Variants in NPR1 observed in about 807,000 individuals in gnomAD.
NPR1 encodes the protein atrial natriuretic peptide receptor 1.
Under a neutral mutation model 116.9 loss-of-function variants are expected in NPR1, and 57 were observed. The observed-to-expected ratio is 0.49, with a 90% confidence interval of 0.39 to 0.61. The LOEUF (loss-of-function observed/expected upper bound fraction) is 0.61, where lower values mean the gene tolerates loss of function less well. Among genes scored for constraint, NPR1 ranks in the 20% least tolerant of loss-of-function variants. The probability of loss-of-function intolerance (pLI) is 0.00; values close to 1 mark genes in which losing one functional copy is unlikely to be tolerated. For synonymous variants in NPR1, 555 were observed against 601.6 expected, an observed-to-expected ratio of 0.92 and a Z score of 1.13; for missense variants, 1,096 against 1,409.8, an observed-to-expected ratio of 0.78 and a Z score of 3.56.
intron 15 of NPR1, chr1:153,688,737 G>A (rs1470924123): frequency 3.2e-5 from 19 of 597,096 alleles, no homozygotes; most frequent in Non-Finnish European, 4.7e-5. Flanking sequence ...ATGTCCATAT[G>A]TCTGAAGCTT....
rs963246282 is a variant in NPR1 at position 153,678,975 on chromosome 1, G to A, written c.-134G>A. The A allele has an allele frequency of 1.7e-6, 2 of 1,180,114 alleles. No homozygotes were observed. Among genetic ancestry groups the A allele is most frequent in the Admixed American group, 4.0e-5 (1 of 24,704 alleles). The allele number at this position is 1,180,114 out of a possible 1,614,324, so 73.1% of individuals were successfully genotyped here. ...GCAGCTACAGGGGGCCTCGAGCCCC[G>A]GGGTGAGCGTCCCCGTCCCGCTCCT... On this transcript the variant is annotated 5_prime_UTR_variant, in exon 1 of 22. Transcript: ENST00000368680. This position sits in a 1 kb window ranked among gnomAD's most constrained non-coding sequence, Gnocchi z 5.8.
At chr1:153,688,573 C>T (rs767099966) in intron 15 of NPR1, among the ~76,000 whole-genome samples, 2 of 152,176 alleles carry the variant, frequency 1.3e-5, no homozygotes, top group Non-Finnish European at 2.9e-5. Context: ...AGCTCCTGCC[C>T]CACCCCTTGA....
intron 19 of NPR1, 100 bp downstream of exon 19, chr1:153,690,080 C>A: frequency 1.8e-6 from 1 of 565,906 alleles, no homozygotes; most frequent in Non-Finnish European, 2.8e-6. Context: ...CTCTCTCTCT[C>A]TCTCTCTCTC....
rs72446315 is a variant in NPR1, at chr1:153,678,793, TTCTC to T, written c.-296_-293del. 0.04 allele frequency: 13,302 copies of T among 330,568 alleles called. 1 individual carries two copies. Among genetic ancestry groups the T allele is most frequent in the East Asian group, 0.083 (1,572 of 18,870 alleles). The allele number at this position is 330,568 out of a possible 1,614,324, so 20.5% of individuals were successfully genotyped here. ...TTCACGAAGCGCTCACTCGCACCCT[TTCTC>T]TCTCTCTCTCTCTCTCTCTAACACG... is the stretch of plus-strand genomic sequence containing the variant. On this transcript the variant is annotated 5_prime_UTR_variant, in exon 1 of 22. Coordinates refer to ENST00000368680, the MANE Select transcript of NPR1 (RefSeq NM_000906.4). This position sits in a 1 kb window ranked among gnomAD's most constrained non-coding sequence, Gnocchi z 5.8.
Position 153,685,066 on chromosome 1 carries a change from C to G in NPR1, c.1587C>G (p.Ser529Arg), listed in dbSNP as rs1289726818. Residue 529 changes from serine to arginine, a missense_variant, in exon 8 of 22, where the codon AGC becomes AGG. Transcript: ENST00000368680. The stretch of plus-strand genomic sequence containing the variant: ...AGAGGCACCTGCGGAGTGCAGGCAG[C>G]CGGCTGACCCTGAGCGGGGTAAGAA... ...SLERHLRSAGSRLTLSGRGSN... is the reference protein window; with the variant it reads ...SLERHLRSAGRRLTLSGRGSN... 1.9e-6 allele frequency: 3 copies of G among 1,613,870 alleles called. No homozygotes were observed. Among genetic ancestry groups the G allele is most frequent in the South Asian group, 1.1e-5 (1 of 91,054 alleles).
At position 153,679,934 on chromosome 1, in the gene NPR1, C is replaced by G; in HGVS notation, c.721+105C>G. On this transcript the variant is annotated intron_variant, in intron 1 of 21. Coordinates refer to ENST00000368680, the MANE Select transcript of NPR1 (RefSeq NM_000906.4). This position sits in a 1 kb window ranked among gnomAD's most constrained non-coding sequence, Gnocchi z 4.2. Reference sequence around the variant, plus strand: ...CTCTCATCTGGGGGCACTCTTCTTTCTCCTCGCCGTTCTTCATTCTACTTT... The same window carrying G: ...CTCTCATCTGGGGGCACTCTTCTTTGTCCTCGCCGTTCTTCATTCTACTTT... The G allele has an allele frequency of 7.1e-7, 1 of 1,409,982 alleles. No individual in the cohort carries two copies. Among genetic ancestry groups the G allele is most frequent in the Non-Finnish European group, 9.4e-7 (1 of 1,060,454 alleles). The allele number at this position is 1,409,982 out of a possible 1,614,324, so 87.3% of individuals were successfully genotyped here.
intron 7 of NPR1, among the ~76,000 whole-genome samples, chr1:153,684,386 C>CTTTTTTTTTTTTT (rs58272090): frequency 1.1e-4 from 10 of 88,980 alleles, no homozygotes; most frequent in East Asian, 3.9e-4. Context: ...TTCTTTCTTT[C>CTTTTTTTTTTTTT]TTTTTTTTTT....
At position 153,686,640 on chromosome 1, in the gene NPR1, T is replaced by G; in HGVS notation, c.1759-6T>G. The G allele has an allele frequency of 6.2e-7, 1 of 1,612,410 alleles. No individual in the cohort carries two copies. The highest frequency in any genetic ancestry group is 8.5e-7 in the Non-Finnish European group (1 of 1,178,984). On this transcript the variant is annotated splice_region_variant and splice_polypyrimidine_tract_variant and intron_variant, in intron 10 of 21. Coordinates refer to ENST00000368680, the MANE Select transcript of NPR1 (RefSeq NM_000906.4). ...GTCAAGCTCCTGATGCTGGTCCCACTTGCAGATGCGGGATGTGCAGAATGA... is the reference window on the plus strand; with the variant it reads ...GTCAAGCTCCTGATGCTGGTCCCACGTGCAGATGCGGGATGTGCAGAATGA...
chr1:153,688,599 G>A (rs565216553), intron 15 of NPR1: 11 of 406,874 alleles, frequency 2.7e-5, no homozygotes, highest in Middle Eastern at 6.7e-4. Context: ...CTTCCCCAGC[G>A]TGCCCACCAG....
chr1:153,683,988 AAG>A (rs1180585480), intron 7 of NPR1, among the ~76,000 whole-genome samples, 164 bp downstream of exon 7: 2 of 152,164 alleles, frequency 1.3e-5, no homozygotes, highest in Non-Finnish European at 2.9e-5. Flanking sequence ...AGGAGAAAGA[AAG>A]AGAAGGGAAT....
chr1:153,679,781 C>A lies in NPR1; in HGVS notation c.673C>A (p.Leu225Ile). ...CCACCTGGAGTTCGCCGAGGACGAC[C>A]TCAGCCACTACACCAGGCTGCTGCG... The part of the protein sequence containing the change: ...VDHLEFAEDD[L>I]SHYTRLLRTM... Residue 225 changes from leucine to isoleucine, a missense_variant, in exon 1 of 22, where the codon CTC (leucine) becomes ATC (isoleucine). Physicochemically the swap from Leu to Ile is conservative, Grantham distance 5. Coordinates refer to ENST00000368680, the MANE Select transcript of NPR1 (RefSeq NM_000906.4). This position sits in a 1 kb window ranked among gnomAD's most constrained non-coding sequence, Gnocchi z 4.2. 1.3e-6 allele frequency: 2 copies of A among 1,559,356 alleles called. No individual in the cohort carries two copies. Among genetic ancestry groups the A allele is most frequent in the East Asian group, 4.7e-5 (2 of 42,176 alleles).
chr1:153,684,197 G>A (rs1669863300), intron 7 of NPR1, among the ~76,000 whole-genome samples: 1 of 152,080 alleles, frequency 6.6e-6, no homozygotes, highest in Non-Finnish European at 1.5e-5. Flanking sequence ...GCCCTGGTGT[G>A]TGCCAGGTGC....
chr1:153,688,040 C>T lies in NPR1; in HGVS notation c.2249-13C>T. The T allele has an allele frequency of 6.7e-7, 1 of 1,486,286 alleles. No homozygotes were observed. The highest frequency in any genetic ancestry group is 9.0e-7 in the Non-Finnish European group (1 of 1,112,798). The allele number at this position is 1,486,286 out of a possible 1,614,324, so 92.1% of individuals were successfully genotyped here. ...CAGCCCCACCCCTCAGCTCCTCTAC[C>T]CCCCCAATACAGAGATCATCGAGCG... On this transcript the variant is annotated splice_polypyrimidine_tract_variant and intron_variant, in intron 14 of 21. Coordinates refer to ENST00000368680, the MANE Select transcript of NPR1 (RefSeq NM_000906.4).
rs1186769701 is a variant in NPR1, at chr1:153,680,987, G to A, written c.922-193G>A. The A allele has an allele frequency of 1.5e-5, 9 of 600,788 alleles. No individual in the cohort carries two copies. In the East Asian group the frequency reaches 1.9e-4, roughly 13 times the overall value. The allele number at this position is 600,788 out of a possible 1,614,324, so 37.2% of individuals were successfully genotyped here. On this transcript the variant is annotated intron_variant, in intron 2 of 21. Coordinates refer to ENST00000368680, the MANE Select transcript of NPR1 (RefSeq NM_000906.4). The stretch of plus-strand genomic sequence containing the variant: ...GGATAAAGTCCCACAGCCTGGACAG[G>A]ACTTGGAGAAGGCATCCCATTGGAT...
chr1:153,680,429 G>GC, intron 1 of NPR1, 72 bp from the exon 2 acceptor site: 1 of 1,422,308 alleles, frequency 7.0e-7, no homozygotes. Flanking sequence ...TCCCTTGGGT[G>GC]CCCCAGCTTT....
In NPR1 at chr1:153,689,863, C is replaced by T. The variant is rs1477750000; in HGVS notation, c.2815C>T (p.Arg939Trp). 8.2e-6 allele frequency: 13 copies of T among 1,592,784 alleles called. No homozygotes were observed. Among genetic ancestry groups the T allele is most frequent in the Admixed American group, 5.2e-5 (3 of 58,092 alleles). ...GTCAGGGCTCCCTGTGCGGAACGGG[C>T]GGCTACACGCCTGCGAGGTAGCCCG... ...VVSGLPVRNGRLHACEVARMA... is the reference protein window; with the variant it reads ...VVSGLPVRNGWLHACEVARMA... The change falls in exon 19 of 22, where the codon CGG becomes TGG. Residue 939 changes from arginine to tryptophan, a missense_variant. Arg to Trp is a moderately radical substitution (Grantham distance 101, BLOSUM62 -3). Coordinates refer to ENST00000368680, the MANE Select transcript of NPR1 (RefSeq NM_000906.4). The surrounding 1 kb of genome is among the most constrained non-coding windows in gnomAD (Gnocchi z 5.1).
Position 153,693,934 on chromosome 1 carries a change from G to A in NPR1, c.*520G>A, listed in dbSNP as rs1354709562. 4 of 397,272 alleles carry A rather than the reference G, an allele frequency of 1.0e-5. No homozygotes were observed. Among genetic ancestry groups the A allele is most frequent in the African/African-American group, 2.1e-5 (1 of 48,602 alleles). The allele number at this position is 397,272 out of a possible 1,614,324, so 24.6% of individuals were successfully genotyped here. A position where few individuals can be genotyped will look rare whatever the true frequency, so the allele number is the denominator to read the frequency against. Reference sequence around the variant, plus strand: ...AAGAGGGGTGGCGCAGAAGGGTTGGGGGCCTGTATGCCTTGCTTCTACCAT... The same window carrying A: ...AAGAGGGGTGGCGCAGAAGGGTTGGAGGCCTGTATGCCTTGCTTCTACCAT... On this transcript the variant is annotated 3_prime_UTR_variant, in exon 22 of 22. Coordinates refer to ENST00000368680, the MANE Select transcript of NPR1 (RefSeq NM_000906.4).
chr1:153,688,873 G>T, intron 15 of NPR1, 80 bp from the exon 16 acceptor site: 1 of 1,567,250 alleles, frequency 6.4e-7, no homozygotes, highest in South Asian at 1.1e-5. Context: ...GTCTGGAGGG[G>T]GAAGTGCCTA....
At position 153,679,388 on chromosome 1, in the gene NPR1, G is replaced by T. The variant is rs760643084; in HGVS notation, c.280G>T (p.Asp94Tyr). The change falls in exon 1 of 22, where the codon GAC (aspartate) becomes TAC (tyrosine). Residue 94 changes from aspartate (D) to tyrosine (Y), a missense_variant. Transcript: ENST00000368680. The surrounding 1 kb of genome is among the most constrained non-coding windows in gnomAD (Gnocchi z 4.2). ...CGAAAACGCGCTGGGCGTCTGCTCC[G>T]ACACCGCAGCGCCCCTGGCCGCGGT... ...SSENALGVCS[D>Y]TAAPLAAVDL... The T allele has an allele frequency of 8.4e-6, 13 of 1,540,338 alleles. No individual in the cohort carries two copies. Among genetic ancestry groups the T allele is most frequent in the Non-Finnish European group, 1.1e-5 (13 of 1,148,328 alleles).
Sources: gnomAD v4.1 joint callset for allele counts (sites outside exome capture counted in the v4.1 genomes callset) on GRCh38, gnomAD v4.1.1 for gene constraint, Gnocchi (gnomAD v3.1) non-coding constraint, MANE v1.5 for transcripts, NCBI Gene and HGNC (gene_info 2026-07-23, HGNC 2026-07-21) for gene names.